Variants in MSH3 observed in about 807,000 individuals in gnomAD.
MSH3 encodes the protein DNA mismatch repair protein Msh3.
Under a neutral mutation model 123.3 loss-of-function variants are expected in MSH3, and 106 were observed. That is an observed-to-expected ratio of 0.86 (90% CI 0.73 to 1.01). The LOEUF is 1.01. Ranked by LOEUF, MSH3 falls within the 50% of genes least tolerant of loss-of-function variation. MSH3 has a pLI of 0.00. For missense variants in MSH3, 1,459 were observed against 1,347.6 expected, an observed-to-expected ratio of 1.08 and a Z score of -1.29; for synonymous variants, 515 against 481.4, an observed-to-expected ratio of 1.07 and a Z score of -0.91.
intron 10 of MSH3, among the ~76,000 whole-genome samples, chr5:80,736,112 G>A (rs992467751): frequency 2.0e-5 from 3 of 151,962 alleles, no homozygotes; most frequent in Admixed American, 2.0e-4. Context: ...TGTAATCCCA[G>A]CTACTCAGGA....
At chr5:80,667,206 A>G (rs1749592068) in intron 3 of MSH3, among the ~76,000 whole-genome samples, 1 of 152,240 alleles carries the variant, frequency 6.6e-6, no homozygotes, top group African/African-American at 2.4e-5. Flanking sequence ...AGAATAAAGT[A>G]TAAAGTAAGA....
At chr5:80,835,050 C>A (rs1745485064) in intron 20 of MSH3, among the ~76,000 whole-genome samples, 1 of 152,144 alleles carries the variant, frequency 6.6e-6, no homozygotes, top group African/African-American at 2.4e-5. Flanking sequence ...TTTCAAAATT[C>A]TTTCTCTTGC....
chr5:80,801,944 T>C (rs1744796889), intron 19 of MSH3, among the ~76,000 whole-genome samples: 1 of 152,228 alleles, frequency 6.6e-6, no homozygotes, highest in South Asian at 2.1e-4. Context: ...GTTATTTTCT[T>C]GCTTATCAAG....
At chr5:80,798,806 C>G (rs1744741579) in intron 19 of MSH3, among the ~76,000 whole-genome samples, 1 of 152,142 alleles carries the variant, frequency 6.6e-6, no homozygotes, top group South Asian at 2.1e-4. Context: ...CAGAATGGCC[C>G]TCCCCTCTCT....
intron 12 of MSH3, among the ~76,000 whole-genome samples, chr5:80,758,752 A>C (rs1274747826): frequency 6.6e-6 from 1 of 152,176 alleles, no homozygotes; most frequent in African/African-American, 2.4e-5. Context: ...CTTCTGGTAG[A>C]CTTCATAAAT....
Position 80,678,941 on chromosome 5 carries a change from C to T in MSH3, c.1188C>T (p.Ala396=), listed in dbSNP as rs1386378600. The change falls in exon 8 of 24, where the codon GCC becomes GCT. Residue 396 remains alanine, a synonymous_variant. Coordinates refer to ENST00000265081, the MANE Select transcript of MSH3 (RefSeq NM_002439.5). ...IFIGIVGVQP[A]TGEVVFDSFQ... ...TTTGTTTTTAGGGAGTGCAGCCTGC[C>T]ACAGGCGAGGTTGTGTTTGATAGTT... is the stretch of plus-strand genomic sequence containing the variant. 1 of 1,614,050 alleles carries T rather than the reference C, an allele frequency of 6.2e-7. No individual in the cohort carries two copies.
intron 12 of MSH3, among the ~76,000 whole-genome samples, chr5:80,748,109 A>G (rs745550439): frequency 6.6e-6 from 1 of 152,196 alleles, no homozygotes; most frequent in Non-Finnish European, 1.5e-5. Flanking sequence ...CAAATAATGG[A>G]TGACGAGGGG....
chr5:80,842,224 A>G (rs1288251136), intron 20 of MSH3, among the ~76,000 whole-genome samples: 1 of 151,956 alleles, frequency 6.6e-6, no homozygotes, highest in Non-Finnish European at 1.5e-5. Flanking sequence ...TAGATGTGTG[A>G]TGTTATTTCT....
Position 80,710,901 on chromosome 5 carries a change from C to T in MSH3, c.1341-14552C>T, listed in dbSNP as rs960954757. On this transcript the variant is annotated intron_variant, in intron 8 of 23. Transcript: ENST00000265081. ...GCCATTCCCTCCCCCTTCGAGTGTT[C>T]CCCTTTCCTTTGGTTTCCAAGTTGC... Among the ~76,000 whole-genome samples, 3 of 152,120 alleles carry T rather than the reference C, an allele frequency of 2.0e-5. 1 individual carries two copies. The South Asian group carries it at 6.2e-4, about 32-fold the overall frequency.
intron 15 of MSH3, among the ~76,000 whole-genome samples, chr5:80,771,123 TG>T (rs1393758625): frequency 3.9e-5 from 6 of 152,150 alleles, no homozygotes; most frequent in Admixed American, 3.3e-4. Context: ...TAGAACCTTT[TG>T]AAAAAAATAA....
In MSH3 at chr5:80,654,907, C is replaced by CCCCA. The variant is rs770677713; in HGVS notation, c.180_181insCCCA (p.Ala61ProfsTer25). 2.7e-3 allele frequency: 4,207 copies of CCCCA among 1,537,980 alleles called. 100 individuals are homozygous for CCCCA. In the African/African-American group the frequency reaches 0.05, roughly 18 times the overall value. On this transcript the variant is annotated frameshift_variant, in exon 1 of 24. Coordinates refer to ENST00000265081, the MANE Select transcript of MSH3 (RefSeq NM_002439.5). LOFTEE classifies it high-confidence loss of function. ...CAGCGGCTGCAGCGGCCGCAGCGGC[C>CCCCA]GCAGCGCCCCCAGCGCCCCCAGCTC...
At chr5:80,798,853 A>G (rs553933118) in intron 19 of MSH3, among the ~76,000 whole-genome samples, 2 of 152,134 alleles carry the variant, frequency 1.3e-5, no homozygotes, top group South Asian at 4.2e-4. Context: ...TTGGACTCAC[A>G]CTGTTCCTGC....
At chr5:80,750,404 C>A (rs993941685) in intron 12 of MSH3, among the ~76,000 whole-genome samples, 2 of 152,032 alleles carry the variant, frequency 1.3e-5, no homozygotes, top group Non-Finnish European at 2.9e-5. Flanking sequence ...TGTTATCTTT[C>A]ATCTTTTTTA....
rs1367514544 is a variant in MSH3 at position 80,654,673 on chromosome 5, G to C, written c.-55G>C. 1 of 1,517,044 alleles carries C rather than the reference G, an allele frequency of 6.6e-7. No individual in the cohort carries two copies. The highest frequency in any genetic ancestry group is 8.9e-7 in the Non-Finnish European group (1 of 1,122,526). The allele number at this position is 1,517,044 out of a possible 1,614,324, so 94.0% of individuals were successfully genotyped here. A position where few individuals can be genotyped will look rare whatever the true frequency, so the allele number is the denominator to read the frequency against. ...CCGCAGACGCCTGGGAACTGCGGCCGCGGGCTCGCGCTCCTCGCCAGGCCC... is the reference window on the plus strand; with the variant it reads ...CCGCAGACGCCTGGGAACTGCGGCCCCGGGCTCGCGCTCCTCGCCAGGCCC... On this transcript the variant is annotated 5_prime_UTR_variant, in exon 1 of 24. Coordinates refer to ENST00000265081, the MANE Select transcript of MSH3 (RefSeq NM_002439.5).
At chr5:80,768,697 C>A in intron 14 of MSH3, 138 bp from the exon 15 acceptor site, 1 of 708,578 alleles carries the variant, frequency 1.4e-6, no homozygotes, top group Non-Finnish European at 2.4e-6. Context: ...AAAACAAATC[C>A]ATAAGTGCTT....
intron 8 of MSH3, among the ~76,000 whole-genome samples, chr5:80,699,087 G>A (rs910677470): frequency 1.1e-4 from 16 of 152,122 alleles, no homozygotes; most frequent in South Asian, 1.0e-3. Flanking sequence ...GATGGGGACC[G>A]TAGCCTAGTG....
intron 10 of MSH3, among the ~76,000 whole-genome samples, chr5:80,730,733 AG>A (rs1016469999): frequency 5.9e-5 from 9 of 151,964 alleles, no homozygotes; most frequent in African/African-American, 2.2e-4. Flanking sequence ...AGTGATAAAT[AG>A]CTTGCCCATT....
At chr5:80,792,657 T>G in intron 18 of MSH3, 76 bp from the exon 19 acceptor site, 2 of 860,352 alleles carry the variant, frequency 2.3e-6, no homozygotes, top group Non-Finnish European at 3.8e-6. Context: ...TACTGAAATT[T>G]TTCATGCTAT....
intron 8 of MSH3, among the ~76,000 whole-genome samples, chr5:80,684,066 A>G (rs1011059175): frequency 3.3e-5 from 5 of 152,174 alleles, no homozygotes. Flanking sequence ...TGCCAGTACC[A>G]TGCCATTTTG....
Sources: allele counts gnomAD v4.1 joint callset (sites outside exome capture counted in the v4.1 genomes callset), GRCh38; gene constraint gnomAD v4.1.1; transcripts MANE v1.5; gene names NCBI Gene and HGNC (gene_info 2026-07-23, HGNC 2026-07-21).